ARHGAP42: variants seen among roughly 807,000 people sequenced by gnomAD.
The protein encoded by ARHGAP42 is Rho GTPase activating protein 42, also known as rho GTPase-activating protein 42.
Under a neutral mutation model 125.0 loss-of-function variants are expected in ARHGAP42, and 63 were observed. That is an observed-to-expected ratio of 0.50 (90% CI 0.41 to 0.62). ARHGAP42 has a LOEUF of 0.62. ARHGAP42 is among the 20% of genes least tolerant of loss of function. The pLI is 0.00. For synonymous variants in ARHGAP42, 339 were observed against 351.0 expected (o/e 0.97, Z 0.38); for missense variants, 766 against 1,024.2 (o/e 0.75, Z 3.44).
At chr11:100,900,678 C>T (rs2407823) in intron 4 of ARHGAP42, among the ~76,000 whole-genome samples, 42,274 of 151,726 alleles carry the variant, frequency 0.28, 7,122 homozygotes, top group East Asian at 0.74. Flanking sequence ...TTGCTGATAC[C>T]CTTTCTTCCA....
At chr11:100,912,952 T>C (rs1387265430) in intron 4 of ARHGAP42, among the ~76,000 whole-genome samples, 1 of 151,984 alleles carries the variant, frequency 6.6e-6, no homozygotes, top group Non-Finnish European at 1.5e-5. Context: ...ATATTTCAGG[T>C]GTCTTTTGTG....
chr11:100,777,479 A>C (rs1863159662), intron 2 of ARHGAP42, among the ~76,000 whole-genome samples: 1 of 152,148 alleles, frequency 6.6e-6, no homozygotes, highest in African/African-American at 2.4e-5. Flanking sequence ...AAAGGCATAA[A>C]ATTTTTACTT....
intron 22 of ARHGAP42, among the ~76,000 whole-genome samples, chr11:100,983,629 T>C (rs1379711921): frequency 6.6e-6 from 1 of 152,238 alleles, no homozygotes; most frequent in Non-Finnish European, 1.5e-5. Flanking sequence ...AAAATGCACA[T>C]TTTTAACCTA....
At chr11:100,708,067 T>C (rs892569921) in intron 1 of ARHGAP42, among the ~76,000 whole-genome samples, 1 of 152,234 alleles carries the variant, frequency 6.6e-6, no homozygotes, top group African/African-American at 2.4e-5. Flanking sequence ...TATATGTATG[T>C]ACACTGAGTA....
intron 22 of ARHGAP42, among the ~76,000 whole-genome samples, chr11:100,981,947 A>C (rs958164788): frequency 6.6e-6 from 1 of 152,062 alleles, no homozygotes; most frequent in Non-Finnish European, 1.5e-5. Context: ...GGGTTTGAGG[A>C]GGCTGTGAGG....
chr11:100,952,228 C>A (rs1857676580), intron 12 of ARHGAP42, among the ~76,000 whole-genome samples: 1 of 151,958 alleles, frequency 6.6e-6, no homozygotes, highest in African/African-American at 2.4e-5. Flanking sequence ...ATAAATCTGA[C>A]AGAATTCTCC....
Position 100,859,539 on chromosome 11 carries a change from C to T in ARHGAP42, c.313-15C>T. On this transcript the variant is annotated splice_polypyrimidine_tract_variant and intron_variant, in intron 3 of 23. Transcript: ENST00000298815. Reference sequence around the variant, plus strand: ...AATTATGCAAGATTTAATATATGTGCATTTTTTATTTCAGATCCAAAACGC... The same window carrying T: ...AATTATGCAAGATTTAATATATGTGTATTTTTTATTTCAGATCCAAAACGC... The T allele has an allele frequency of 5.2e-6, 8 of 1,525,682 alleles. No homozygotes were observed. The highest frequency in any genetic ancestry group is 1.4e-5 in the African/African-American group (1 of 71,568). 94.5% of individuals were successfully genotyped at this position (1,525,682 alleles called of 1,614,324 possible). A position where few individuals can be genotyped will look rare whatever the true frequency, so the allele number is the denominator to read the frequency against.
chr11:100,695,759 T>C (rs1217313327), intron 1 of ARHGAP42, among the ~76,000 whole-genome samples: 1 of 152,234 alleles, frequency 6.6e-6, no homozygotes, highest in African/African-American at 2.4e-5. Flanking sequence ...GGAATGTGAA[T>C]TGTGGAATAA....
intron 4 of ARHGAP42, among the ~76,000 whole-genome samples, chr11:100,864,030 T>C (rs1865510346): frequency 6.6e-6 from 1 of 152,230 alleles, no homozygotes. Context: ...TGGATGCTTT[T>C]TGAATAAATT....
At chr11:100,848,805 C>T (rs1197714630) in intron 3 of ARHGAP42, among the ~76,000 whole-genome samples, 1 of 152,166 alleles carries the variant, frequency 6.6e-6, no homozygotes, top group East Asian at 1.9e-4. Context: ...TAGTAGATAT[C>T]TCTTAATTTT....
intron 1 of ARHGAP42, among the ~76,000 whole-genome samples, chr11:100,700,219 C>T (rs537693487): frequency 2.0e-5 from 3 of 152,308 alleles, no homozygotes; most frequent in Non-Finnish European, 2.9e-5. Flanking sequence ...ACCTTAATTA[C>T]AGGACACTTC....
chr11:100,768,951 A>G (rs965857265), intron 1 of ARHGAP42, among the ~76,000 whole-genome samples: 1 of 152,220 alleles, frequency 6.6e-6, no homozygotes, highest in Non-Finnish European at 1.5e-5. Context: ...TTGTACAAAC[A>G]TAATAGAGTA....
rs1862943862 is a variant in ARHGAP42, at chr11:100,770,368, T to C, written c.180T>C (p.Phe60=). ...LRNLSMAVQK[F]SQSLQDFQFE... ...ATCTGTCTATGGCAGTGCAGAAATT[T>C]TCCCAGTCATTGCAAGATTTCCAGT... is the stretch of plus-strand genomic sequence containing the variant. The change falls in exon 2 of 24, where the codon TTT becomes TTC. Residue 60 remains phenylalanine, a synonymous_variant. Coordinates refer to ENST00000298815, the MANE Select transcript of ARHGAP42 (RefSeq NM_152432.4). The C allele has an allele frequency of 1.3e-6, 2 of 1,550,142 alleles. No individual in the cohort carries two copies. The highest frequency in any genetic ancestry group is 1.7e-6 in the Non-Finnish European group (2 of 1,146,608).
chr11:100,936,386 G>C, intron 8 of ARHGAP42, 54 bp downstream of exon 8: 1 of 1,547,518 alleles, frequency 6.5e-7, no homozygotes, highest in South Asian at 1.2e-5. Flanking sequence ...ACGATCATGA[G>C]ATGTGACTTG....
At chr11:100,770,273 ACAT>A in intron 1 of ARHGAP42, 67 bp from the exon 2 acceptor site, 1 of 1,011,400 alleles carries the variant, frequency 9.9e-7, no homozygotes, top group Non-Finnish European at 1.4e-6. Context: ...ATATAATTTT[ACAT>A]TTGGAAACTC....
chr11:100,840,148 A>G (rs143465883), intron 3 of ARHGAP42, among the ~76,000 whole-genome samples: 1 of 152,336 alleles, frequency 6.6e-6, no homozygotes, highest in Non-Finnish European at 1.5e-5. Flanking sequence ...TTTGTATCAA[A>G]CATGCCCTCC....
chr11:100,892,091 C>T (rs1237359730), intron 4 of ARHGAP42, among the ~76,000 whole-genome samples: 2 of 152,314 alleles, frequency 1.3e-5, no homozygotes, highest in Non-Finnish European at 2.9e-5. Flanking sequence ...GGAACTGCTA[C>T]ATTTACGGAA....
chr11:100,810,317 A>G (rs528822496), intron 3 of ARHGAP42, among the ~76,000 whole-genome samples: 46 of 152,340 alleles, frequency 3.0e-4, no homozygotes, highest in Admixed American at 7.8e-4. Flanking sequence ...ACTAGACAAG[A>G]TAATTTACTG....
At chr11:100,849,015 A>G (rs1378432323) in intron 3 of ARHGAP42, among the ~76,000 whole-genome samples, 1 of 152,212 alleles carries the variant, frequency 6.6e-6, no homozygotes, top group Non-Finnish European at 1.5e-5. Flanking sequence ...CTGGAGAAGA[A>G]TCTTAAACAG....
Sources: allele counts gnomAD v4.1 joint callset (sites outside exome capture counted in the v4.1 genomes callset), GRCh38; gene constraint gnomAD v4.1.1; transcripts MANE v1.5; gene names NCBI Gene and HGNC (gene_info 2026-07-23, HGNC 2026-07-21).